The following ELMO1 variants were observed in gnomAD, a reference collection of about 807,000 sequenced individuals.
ELMO1 encodes the protein engulfment and cell motility protein 1.
ELMO1 carries 26 observed loss-of-function variants against 98.9 expected under a neutral mutation model. The observed-to-expected ratio is 0.26, with a 90% CI of 0.19 to 0.36. ELMO1 has a LOEUF of 0.36. ELMO1 is among the 10% of genes least tolerant of loss of function. The pLI is 1.00. For missense variants in ELMO1, 627 were observed against 935.2 expected, an observed-to-expected ratio of 0.67 and a Z score of 4.30; for synonymous variants, 346 against 346.0, an observed-to-expected ratio of 1.00 and a Z score of 0.00.
chr7:37,224,841 A>G, intron 9 of ELMO1, 38 bp downstream of exon 9: 1 of 1,605,170 alleles, frequency 6.2e-7, no homozygotes, highest in Non-Finnish European at 8.5e-7. Flanking sequence ...CATCTTCCTG[A>G]AGCATTTCTC....
intron 15 of ELMO1, among the ~76,000 whole-genome samples, chr7:37,072,701 C>T (rs189861921): frequency 5.6e-4 from 86 of 152,258 alleles, no homozygotes; most frequent in African/African-American, 2.0e-3. Context: ...CAATAACATG[C>T]GTCACCATTA....
chr7:37,338,668 A>C (rs1156713137), intron 2 of ELMO1, among the ~76,000 whole-genome samples: 2 of 152,214 alleles, frequency 1.3e-5, no homozygotes, highest in East Asian at 1.9e-4. Flanking sequence ...AAACAAATAC[A>C]TTATTCAGGA....
chr7:37,323,801 C>T (rs1799645976), intron 2 of ELMO1, among the ~76,000 whole-genome samples: 1 of 152,066 alleles, frequency 6.6e-6, no homozygotes, highest in African/African-American at 2.4e-5. Context: ...TCCATGTCTC[C>T]CCTCTGAGCC....
intron 13 of ELMO1, among the ~76,000 whole-genome samples, chr7:37,203,254 C>T (rs894763865): frequency 1.3e-5 from 2 of 152,148 alleles, no homozygotes; most frequent in African/African-American, 4.8e-5. Flanking sequence ...TTCTCGAAAA[C>T]CTGTTAGAGT....
chr7:37,436,518 T>C (rs1302741185), intron 1 of ELMO1, among the ~76,000 whole-genome samples: 10 of 152,356 alleles, frequency 6.6e-5, no homozygotes, highest in Admixed American at 5.9e-4. Flanking sequence ...GTTTGGCACA[T>C]GGCTCTCTGA....
Position 37,163,573 on chromosome 7 carries a change from A to G in ELMO1, c.1087-30339T>C, listed in dbSNP as rs530471168. On this transcript the variant is annotated intron_variant, in intron 13 of 21. Transcript: ENST00000310758. ...TGATCTCATTGTTCAATTCCCACCT[A>G]TGAGTGAGAATATGCGGTGTTTGGT... Among the ~76,000 whole-genome samples, 30 of 150,838 alleles carry G rather than the reference A, an allele frequency of 2.0e-4. No homozygotes were observed. The East Asian group carries it at 5.9e-3, about 29-fold the overall frequency.
intron 13 of ELMO1, among the ~76,000 whole-genome samples, chr7:37,176,215 CTG>C (rs747517390): frequency 6.6e-6 from 1 of 152,236 alleles, no homozygotes; most frequent in African/African-American, 2.4e-5. Flanking sequence ...GACTCATCGA[CTG>C]TTATACTTTC....
At chr7:37,417,218 C>T (rs954562028) in intron 1 of ELMO1, among the ~76,000 whole-genome samples, 3 of 152,084 alleles carry the variant, frequency 2.0e-5, no homozygotes, top group Non-Finnish European at 2.9e-5. Flanking sequence ...GAGAAAGACA[C>T]GTTGAAGTCC....
At chr7:37,303,062 GC>G (rs1292160741) in intron 4 of ELMO1, among the ~76,000 whole-genome samples, 2 of 141,972 alleles carry the variant, frequency 1.4e-5, no homozygotes, top group Non-Finnish European at 2.9e-5. Context: ...TTTCATGCCT[GC>G]CCCCTATGCC....
Position 37,191,138 on chromosome 7 carries a change from G to A in ELMO1, c.1086+20248C>T, listed in dbSNP as rs141420946. Among the ~76,000 whole-genome samples, 677 of 139,826 alleles carry A rather than the reference G, an allele frequency of 4.8e-3. 3 individuals are homozygous for A. The highest frequency in any genetic ancestry group is 0.012 in the Admixed American group (161 of 12,914). The allele number at this position is 139,826 out of a possible 152,430, so 91.7% of individuals were successfully genotyped here. A position where few individuals can be genotyped will look rare whatever the true frequency, so the allele number is the denominator to read the frequency against. ...CGGGAGGTGGAGCTTGCAGTGAGCCGAGACCGCGCCACTGCACTCCAGCCT... is the reference window on the plus strand; with the variant it reads ...CGGGAGGTGGAGCTTGCAGTGAGCCAAGACCGCGCCACTGCACTCCAGCCT... On this transcript the variant is annotated intron_variant, in intron 13 of 21. Coordinates refer to ENST00000310758, the MANE Select transcript of ELMO1 (RefSeq NM_014800.11).
At chr7:37,367,669 G>C (rs1415207124) in intron 1 of ELMO1, among the ~76,000 whole-genome samples, 1 of 152,134 alleles carries the variant, frequency 6.6e-6, no homozygotes, top group African/African-American at 2.4e-5. Flanking sequence ...CCCGTGTGTG[G>C]TAGGAAAAAC....
At chr7:37,283,708 C>T (rs911359611) in intron 4 of ELMO1, among the ~76,000 whole-genome samples, 12 of 152,214 alleles carry the variant, frequency 7.9e-5, no homozygotes, top group African/African-American at 2.9e-4. Flanking sequence ...CTCCTGCGTC[C>T]GGCCTCTGCT....
intron 1 of ELMO1, among the ~76,000 whole-genome samples, chr7:37,448,337 C>T (rs533871559): frequency 6.7e-6 from 1 of 149,878 alleles, no homozygotes; most frequent in Non-Finnish European, 1.5e-5. Context: ...CGAAATGTCT[C>T]GGCGGGCTCC....
intron 1 of ELMO1, among the ~76,000 whole-genome samples, chr7:37,399,847 G>A (rs374620418): frequency 2.2e-3 from 328 of 152,190 alleles, no homozygotes; most frequent in Non-Finnish European, 3.6e-3. Flanking sequence ...CTCCACACAC[G>A]GCATAAACCT....
At chr7:36,874,852 G>C (rs1043747136) in intron 19 of ELMO1, among the ~76,000 whole-genome samples, 5 of 152,114 alleles carry the variant, frequency 3.3e-5, no homozygotes, top group Non-Finnish European at 7.4e-5. Context: ...AGAAGATGTC[G>C]ATTTTCAAAG....
intron 16 of ELMO1, among the ~76,000 whole-genome samples, chr7:36,915,961 G>C (rs1445024697): frequency 6.6e-6 from 1 of 152,216 alleles, no homozygotes; most frequent in Non-Finnish European, 1.5e-5. Context: ...TCATCCTTGT[G>C]AGTGGAAAGA....
At chr7:37,382,048 T>G (rs1273365240) in intron 1 of ELMO1, among the ~76,000 whole-genome samples, 1 of 152,194 alleles carries the variant, frequency 6.6e-6, no homozygotes, top group Non-Finnish European at 1.5e-5. Context: ...TCTAACTCAC[T>G]CTTCTGGTAT....
chr7:37,054,480 TTATC>T (rs903816248), intron 15 of ELMO1, among the ~76,000 whole-genome samples: 13 of 152,222 alleles, frequency 8.5e-5, no homozygotes, highest in Non-Finnish European at 1.8e-4. Flanking sequence ...GTAGTGTGTG[TTATC>T]TATCATAAAG....
intron 16 of ELMO1, among the ~76,000 whole-genome samples, chr7:36,962,121 T>C (rs1173514191): frequency 6.6e-6 from 1 of 152,242 alleles, no homozygotes; most frequent in East Asian, 1.9e-4. Context: ...TAGGGAAGTT[T>C]CCAGCTCTAA....
Sources: allele counts gnomAD v4.1 joint callset (sites outside exome capture counted in the v4.1 genomes callset), GRCh38; gene constraint gnomAD v4.1.1; transcripts MANE v1.5; gene names NCBI Gene and HGNC (gene_info 2026-07-23, HGNC 2026-07-21).